Variants in SDAD1 observed in about 807,000 individuals in gnomAD.
SDAD1 encodes protein SDA1 homolog.
SDAD1 carries 79 observed loss-of-function variants against 100.3 expected under a neutral mutation model. The ratio of observed to expected loss-of-function variants is 0.79; its 90% confidence interval spans 0.66 to 0.95. The LOEUF (loss-of-function observed/expected upper bound fraction) is 0.95, where lower values mean the gene tolerates loss of function less well. SDAD1 is among the 40% of genes least tolerant of loss of function. The pLI, the probability that SDAD1 is intolerant of heterozygous loss-of-function variation, is 0.00. For missense variants in SDAD1, 790 were observed against 810.9 expected, an observed-to-expected ratio of 0.97 and a Z score of 0.31; for synonymous variants, 267 against 271.4, an observed-to-expected ratio of 0.98 and a Z score of 0.16.
chr4:75,975,823 T>A lies in SDAD1; in HGVS notation c.499A>T (p.Thr167Ser), dbSNP rs1257504832. Residue 167 changes from threonine to serine, a missense_variant, in exon 6 of 22, where the codon ACC becomes TCC. Transcript: ENST00000356260. ...VNVVLQNFMY[T>S]MLRDSNATAA... ...GTTGCATTGCTATCTCTTAACATGGTGTACATGAAATTTTGCAATACCTGC... is the reference window on the plus strand; with the variant it reads ...GTTGCATTGCTATCTCTTAACATGGAGTACATGAAATTTTGCAATACCTGC... The A allele has an allele frequency of 6.2e-7, 1 of 1,613,950 alleles. No individual in the cohort carries two copies. The highest frequency in any genetic ancestry group is 2.2e-5 in the East Asian group (1 of 44,856).
At position 75,974,139 on chromosome 4, in the gene SDAD1, G is replaced by A; in HGVS notation, c.579-6C>T. 1 of 1,612,464 alleles carries A rather than the reference G, an allele frequency of 6.2e-7. No individual in the cohort carries two copies. The highest frequency in any genetic ancestry group is 2.2e-5 in the East Asian group (1 of 44,806). On this transcript the variant is annotated splice_region_variant and splice_polypyrimidine_tract_variant and intron_variant, in intron 6 of 21. Transcript: ENST00000356260. ...TGACAGTTTTTGCATCATTCCTGGGGGAAGACAATGAATGCTTTGAAGTAA... is the reference window on the plus strand; with the variant it reads ...TGACAGTTTTTGCATCATTCCTGGGAGAAGACAATGAATGCTTTGAAGTAA...
At chr4:75,986,862 A>G (rs1730926405) in intron 1 of SDAD1, among the ~76,000 whole-genome samples, 1 of 152,078 alleles carries the variant, frequency 6.6e-6, no homozygotes, top group South Asian at 2.1e-4. Flanking sequence ...CATCTCTACA[A>G]AAAAATCAAC....
chr4:75,972,828 T>C (rs532295988), intron 8 of SDAD1, among the ~76,000 whole-genome samples: 22 of 152,044 alleles, frequency 1.4e-4, no homozygotes, highest in African/African-American at 4.8e-4. Context: ...AAGACCATCC[T>C]GGCTAACACG....
chr4:75,987,351 T>C (rs1730962903), intron 1 of SDAD1, among the ~76,000 whole-genome samples: 1 of 152,154 alleles, frequency 6.6e-6, no homozygotes, highest in Admixed American at 6.5e-5. Flanking sequence ...ATGCACCTAT[T>C]CTGGACATAT....
chr4:75,963,120 T>C (rs1729341749), intron 14 of SDAD1, among the ~76,000 whole-genome samples: 1 of 152,204 alleles, frequency 6.6e-6, no homozygotes, highest in African/African-American at 2.4e-5. Context: ...TGCTAGCCAG[T>C]TTTCCCAGCA....
At chr4:75,971,176 C>A (rs74958072) in intron 9 of SDAD1, among the ~76,000 whole-genome samples, 181 bp downstream of exon 9, 1,957 of 152,320 alleles carry the variant, frequency 0.013, 33 homozygotes, top group Admixed American at 0.049. Context: ...ATCCAAGTCA[C>A]TGATTTTGCT....
At chr4:75,960,250 A>G (rs1729154639) in intron 16 of SDAD1, 58 bp from the exon 17 acceptor site, 2 of 1,357,166 alleles carry the variant, frequency 1.5e-6, no homozygotes, top group African/African-American at 2.9e-5. Context: ...CTTAATCATG[A>G]AAGGTAGTCT....
chr4:75,955,280 A>T (rs1728825648), intron 21 of SDAD1, among the ~76,000 whole-genome samples: 1 of 152,194 alleles, frequency 6.6e-6, no homozygotes, highest in Non-Finnish European at 1.5e-5. Context: ...CACTCTCACT[A>T]AACTTAATAA....
chr4:75,977,796 G>C, intron 3 of SDAD1, 40 bp from the exon 4 acceptor site: 1 of 1,215,050 alleles, frequency 8.2e-7, no homozygotes, highest in Non-Finnish European at 1.2e-6. Context: ...CAATGGTAAA[G>C]TTAACAAGGT....
At chr4:75,964,262 C>T (rs781521498) in intron 13 of SDAD1, 51 bp from the exon 14 acceptor site, 1 of 1,195,516 alleles carries the variant, frequency 8.4e-7, no homozygotes, top group Non-Finnish European at 1.2e-6. Flanking sequence ...TCTGCATACA[C>T]AAACACATAA....
chr4:75,981,642 T>C (rs1730522056), intron 2 of SDAD1, 172 bp from the exon 3 acceptor site: 8 of 1,134,628 alleles, frequency 7.1e-6, no homozygotes, highest in South Asian at 6.8e-5. Flanking sequence ...ACATTTATCA[T>C]GGTTTCTCTA....
chr4:75,990,909 C>A lies in SDAD1; in HGVS notation c.-68G>T. The stretch of plus-strand genomic sequence containing the variant: ...CTCAGACGGCCGGCACCCCGCAATC[C>A]CTGCCAGCTGCAGCTTGGACTCGTG... On this transcript the variant is annotated 5_prime_UTR_variant, in exon 1 of 22. Coordinates refer to ENST00000356260, the MANE Select transcript of SDAD1 (RefSeq NM_018115.4). 1 of 1,591,106 alleles carries A rather than the reference C, an allele frequency of 6.3e-7. No individual in the cohort carries two copies. Among genetic ancestry groups the A allele is most frequent in the South Asian group, 1.1e-5 (1 of 90,394 alleles).
At chr4:75,968,434 G>A (rs1029721546) in intron 11 of SDAD1, among the ~76,000 whole-genome samples, 7 of 151,972 alleles carry the variant, frequency 4.6e-5, no homozygotes, top group African/African-American at 1.4e-4. Context: ...CACCAGTCAC[G>A]AGATCAAAAT....
At chr4:75,987,162 C>T (rs1267311115) in intron 1 of SDAD1, among the ~76,000 whole-genome samples, 3 of 152,112 alleles carry the variant, frequency 2.0e-5, no homozygotes, top group African/African-American at 7.2e-5. Flanking sequence ...AGATATAATT[C>T]ATATACCATA....
At chr4:75,970,560 G>A (rs1009313219) in intron 9 of SDAD1, among the ~76,000 whole-genome samples, 182 bp from the exon 10 acceptor site, 4 of 152,114 alleles carry the variant, frequency 2.6e-5, no homozygotes, top group African/African-American at 9.7e-5. Context: ...ATTAAATGTG[G>A]GGAATGTGTT....
At chr4:75,956,501 G>A (rs1443972248) in intron 20 of SDAD1, among the ~76,000 whole-genome samples, 1 of 151,780 alleles carries the variant, frequency 6.6e-6, no homozygotes. Flanking sequence ...GCACACAAAG[G>A]TGTGGAGGAG....
chr4:75,977,760 G>A lies in SDAD1; in HGVS notation c.295-4C>T, dbSNP rs779010872. The A allele has an allele frequency of 2.1e-5, 33 of 1,573,586 alleles. No individual in the cohort carries two copies. Among genetic ancestry groups the A allele is most frequent in the Middle Eastern group, 1.7e-4 (1 of 6,002 alleles). On this transcript the variant is annotated splice_region_variant and splice_polypyrimidine_tract_variant and intron_variant, in intron 3 of 21. Transcript: ENST00000356260. ...AGATCAAAGCTTTGCAAAATGTCTC[G>A]GGAAGGAAAAAAACATACCATAAGA...
chr4:75,963,563 G>T (rs1560541012), intron 14 of SDAD1, among the ~76,000 whole-genome samples: 2 of 152,018 alleles, frequency 1.3e-5, no homozygotes, highest in Non-Finnish European at 2.9e-5. Flanking sequence ...CTTTTATTTT[G>T]TTGAGCAGTG....
At chr4:75,985,075 C>T (rs775397559) in intron 1 of SDAD1, among the ~76,000 whole-genome samples, 7 of 152,268 alleles carry the variant, frequency 4.6e-5, no homozygotes, top group African/African-American at 7.2e-5. Flanking sequence ...ACTCTTTATG[C>T]TACTGACAAA....
Sources: allele counts gnomAD v4.1 joint callset (sites outside exome capture counted in the v4.1 genomes callset), GRCh38; gene constraint gnomAD v4.1.1; transcripts MANE v1.5; gene names NCBI Gene and HGNC (gene_info 2026-07-23, HGNC 2026-07-21).